The following SP140L variants were observed in gnomAD, a reference collection of about 807,000 sequenced individuals.
SP140L encodes the protein SP140 like nuclear body protein, also known as nuclear body protein SP140-like protein.
SP140L carries 64 observed loss-of-function variants against 84.3 expected under a neutral mutation model. The ratio of observed to expected loss-of-function variants is 0.76; its 90% CI spans 0.62 to 0.94. The LOEUF is 0.94. Ranked by LOEUF, SP140L falls within the 40% of genes least tolerant of loss-of-function variation. The pLI is 0.00. For missense variants in SP140L, 628 were observed against 692.5 expected (o/e 0.91, Z 1.05); for synonymous variants, 242 against 236.9 (o/e 1.02, Z -0.20).
chr2:230,354,902 GAGAA>G (rs1368412713), intron 2 of SP140L, among the ~76,000 whole-genome samples: 2 of 103,512 alleles, frequency 1.9e-5, no homozygotes. Flanking sequence ...AGAAAGGAAA[GAGAA>G]AGAAGAAAGA....
At position 230,388,073 on chromosome 2, in the gene SP140L, C is replaced by A. The variant is rs74782116; in HGVS notation, c.785-486C>A. 1.8e-3 allele frequency among the ~76,000 whole-genome samples: 278 copies of A among 152,292 alleles called. 5 individuals are homozygous for A. The East Asian group carries it at 0.045, about 25-fold the overall frequency. ...ATTTGTGTCTCTGCTAAGAGAAACC[C>A]AAACACCTTCACTTAATTTTGTAGT... On this transcript the variant is annotated intron_variant, in intron 9 of 18. Coordinates refer to ENST00000415673, the MANE Select transcript of SP140L (RefSeq NM_138402.6).
intron 2 of SP140L, among the ~76,000 whole-genome samples, chr2:230,346,472 T>A (rs2060212106): frequency 6.6e-6 from 1 of 152,242 alleles, no homozygotes; most frequent in Non-Finnish European, 1.5e-5. Context: ...ATTGACTTTC[T>A]GCTCATTTTT....
At chr2:230,353,092 A>G (rs1056981669) in intron 2 of SP140L, among the ~76,000 whole-genome samples, 1 of 152,038 alleles carries the variant, frequency 6.6e-6, no homozygotes, top group Non-Finnish European at 1.5e-5. Context: ...TTATTTATCA[A>G]TGTAAAATTA....
intron 5 of SP140L, among the ~76,000 whole-genome samples, chr2:230,362,545 G>A (rs1233673159): frequency 6.6e-6 from 1 of 151,586 alleles, no homozygotes; most frequent in Non-Finnish European, 1.5e-5. Context: ...GAAGGAAGGA[G>A]GGGAAGTTAA....
chr2:230,389,718 G>C (rs542306633), intron 10 of SP140L, among the ~76,000 whole-genome samples: 1 of 152,290 alleles, frequency 6.6e-6, no homozygotes, highest in South Asian at 2.1e-4. Flanking sequence ...AATTTTCTGT[G>C]AAATTTGAAA....
chr2:230,347,573 G>C (rs2149707776), intron 2 of SP140L, among the ~76,000 whole-genome samples: 1 of 152,300 alleles, frequency 6.6e-6, no homozygotes, highest in East Asian at 1.9e-4. Context: ...CAGGTCGCTG[G>C]CTGGCCACTG....
intron 2 of SP140L, among the ~76,000 whole-genome samples, chr2:230,354,198 T>A (rs2060448236): frequency 6.6e-6 from 1 of 152,208 alleles, no homozygotes; most frequent in South Asian, 2.1e-4. Context: ...CTCAAATGTC[T>A]ATTGATCTGT....
intron 2 of SP140L, among the ~76,000 whole-genome samples, chr2:230,350,172 G>A (rs1297700130): frequency 6.6e-6 from 1 of 152,180 alleles, no homozygotes; most frequent in East Asian, 1.9e-4. Flanking sequence ...CACCTGGGGT[G>A]TAGTCGTTTC....
chr2:230,340,474 G>A (rs2060007261), intron 2 of SP140L, among the ~76,000 whole-genome samples: 1 of 148,390 alleles, frequency 6.7e-6, no homozygotes, highest in East Asian at 2.0e-4. Flanking sequence ...TTTACTTGGA[G>A]CATTTAGTCC....
In SP140L at chr2:230,383,500, T is replaced by C. The variant is rs766436511; in HGVS notation, c.638-10T>C. On this transcript the variant is annotated splice_polypyrimidine_tract_variant and intron_variant, in intron 7 of 18. Transcript: ENST00000415673. ...TCTGTATAATTAACTTTATTCTCTT[T>C]GGTTTGAAGGAAAAAAGAAGGGGCA... 1.3e-6 allele frequency: 2 copies of C among 1,596,596 alleles called. No individual in the cohort carries two copies. Among genetic ancestry groups the C allele is most frequent in the African/African-American group, 2.7e-5 (2 of 74,546 alleles).
intron 4 of SP140L, among the ~76,000 whole-genome samples, chr2:230,359,823 G>GA (rs2060657225): frequency 6.6e-6 from 1 of 151,400 alleles, no homozygotes; most frequent in Admixed American, 6.6e-5. Context: ...TGCCTTTAGT[G>GA]AAGGATAAAT....
chr2:230,395,233 A>G (rs1389912406), intron 13 of SP140L, among the ~76,000 whole-genome samples: 1 of 152,174 alleles, frequency 6.6e-6, no homozygotes, highest in Non-Finnish European at 1.5e-5. Context: ...TTGAACATAT[A>G]CTTATCAAGC....
intron 2 of SP140L, among the ~76,000 whole-genome samples, chr2:230,342,458 T>C (rs2060082489): frequency 6.6e-6 from 1 of 152,244 alleles, no homozygotes; most frequent in South Asian, 2.1e-4. Context: ...ATCTTCTGCG[T>C]CGCTCACGCT....
At chr2:230,401,142 T>G (rs1370435115) in intron 16 of SP140L, 79 bp downstream of exon 16, 5 of 672,324 alleles carry the variant, frequency 7.4e-6, no homozygotes, top group Non-Finnish European at 1.2e-5. Context: ...GGCAGGGGAA[T>G]GTACTGAAAG....
intron 2 of SP140L, among the ~76,000 whole-genome samples, chr2:230,340,923 C>T (rs2060022846): frequency 6.8e-6 from 1 of 147,220 alleles, no homozygotes; most frequent in South Asian, 2.2e-4. Flanking sequence ...CTGCCCTTAA[C>T]ATTTTTTCCT....
chr2:230,364,472 A>G (rs922196418), intron 5 of SP140L, among the ~76,000 whole-genome samples: 1 of 152,096 alleles, frequency 6.6e-6, no homozygotes, highest in African/African-American at 2.4e-5. Flanking sequence ...TAGAAATGCA[A>G]CAGATTTTTT....
chr2:230,393,837 A>G (rs1575544890), intron 13 of SP140L, among the ~76,000 whole-genome samples: 1 of 152,338 alleles, frequency 6.6e-6, no homozygotes, highest in Non-Finnish European at 1.5e-5. Context: ...ACTCAAAATC[A>G]GATTTTTTTC....
In SP140L at chr2:230,332,534, TCA is replaced by T. The variant is rs1220698179; in HGVS notation, c.107+3706_107+3707del. On this transcript the variant is annotated intron_variant, in intron 2 of 18. Transcript: ENST00000415673. ...ATTCCCCATCCATTCTCGTAATACA[TCA>T]CAGTTTGAGGTTCATCAGTAATCAG... Among the ~76,000 whole-genome samples the T allele has an allele frequency of 2.6e-5, 4 of 152,240 alleles. No individual in the cohort carries two copies. In the East Asian group the frequency reaches 7.7e-4, roughly 29 times the overall value.
chr2:230,396,030 C>T (rs2062032681), intron 13 of SP140L, among the ~76,000 whole-genome samples: 1 of 152,304 alleles, frequency 6.6e-6, no homozygotes, highest in African/African-American at 2.4e-5. Context: ...ACTCTGGGCC[C>T]TGTGGTCCCT....
Sources: allele counts gnomAD v4.1 joint callset (sites outside exome capture counted in the v4.1 genomes callset), GRCh38; gene constraint gnomAD v4.1.1; transcripts MANE v1.5; gene names NCBI Gene and HGNC (gene_info 2026-07-23, HGNC 2026-07-21).